Variants in SLIT3 observed in about 807,000 individuals in gnomAD.
SLIT3 encodes slit guidance ligand 3.
Under a neutral mutation model 184.0 loss-of-function variants are expected in SLIT3, and 68 were observed. The observed-to-expected ratio is 0.37, with a 90% CI of 0.30 to 0.45. The LOEUF is 0.45. Ranked by LOEUF, SLIT3 falls within the 20% of genes least tolerant of loss-of-function variation. The pLI is 1.00. For missense variants in SLIT3, 1,707 were observed against 2,026.0 expected, an observed-to-expected ratio of 0.84 and a Z score of 3.02; for synonymous variants, 831 against 828.6, an observed-to-expected ratio of 1.00 and a Z score of -0.05.
At chr5:169,272,467 T>C (rs1347851233) in intron 1 of SLIT3, among the ~76,000 whole-genome samples, 1 of 152,214 alleles carries the variant, frequency 6.6e-6, no homozygotes, top group African/African-American at 2.4e-5. Flanking sequence ...AATTATGAAA[T>C]GTTTTCCAAC....
intron 4 of SLIT3, among the ~76,000 whole-genome samples, chr5:169,073,243 T>C (rs1758617837): frequency 6.6e-6 from 1 of 152,072 alleles, no homozygotes; most frequent in South Asian, 2.1e-4. Context: ...CCAGAGGCAT[T>C]AGCACATTAA....
At chr5:169,105,983 T>G (rs1046495427) in intron 4 of SLIT3, among the ~76,000 whole-genome samples, 2 of 149,916 alleles carry the variant, frequency 1.3e-5, no homozygotes, top group Non-Finnish European at 3.0e-5. Flanking sequence ...AGTAATGGGA[T>G]GGCTGGGTCA....
chr5:169,137,141 A>G (rs991243480), intron 4 of SLIT3, among the ~76,000 whole-genome samples: 2 of 152,118 alleles, frequency 1.3e-5, no homozygotes, highest in African/African-American at 4.8e-5. Context: ...AAGACTCCTT[A>G]GATTCAGACC....
intron 4 of SLIT3, among the ~76,000 whole-genome samples, chr5:169,124,039 A>G (rs1201522258): frequency 1.3e-5 from 2 of 152,158 alleles, no homozygotes; most frequent in African/African-American, 4.8e-5. Context: ...TTTCAGACGG[A>G]AATCATTAGG....
chr5:168,698,066 G>C (rs530673946), intron 27 of SLIT3, among the ~76,000 whole-genome samples: 44 of 152,298 alleles, frequency 2.9e-4, no homozygotes, highest in African/African-American at 7.9e-4. Flanking sequence ...GTGGGGATGA[G>C]AGCAGATCTC....
chr5:169,176,963 GC>G (rs1456099730), intron 4 of SLIT3, among the ~76,000 whole-genome samples: 1 of 152,174 alleles, frequency 6.6e-6, no homozygotes, highest in African/African-American at 2.4e-5. Context: ...TCCCCCCTCT[GC>G]CTTTGAGAAC....
intron 4 of SLIT3, among the ~76,000 whole-genome samples, chr5:168,955,903 C>T (rs1285986514): frequency 6.6e-6 from 1 of 152,144 alleles, no homozygotes; most frequent in Non-Finnish European, 1.5e-5. Context: ...CGACTTCAGG[C>T]TCAGGGATGC....
intron 4 of SLIT3, among the ~76,000 whole-genome samples, chr5:168,977,614 C>A (rs982000547): frequency 6.6e-6 from 1 of 152,152 alleles, no homozygotes; most frequent in East Asian, 1.9e-4. Context: ...TGTTCACTAG[C>A]GCTGATGCCT....
At position 169,045,382 on chromosome 5, in the gene SLIT3, C is replaced by T. The variant is rs80258167; in HGVS notation, c.413+148097G>A. On this transcript the variant is annotated intron_variant, in intron 4 of 35. Coordinates refer to ENST00000519560, the MANE Select transcript of SLIT3 (RefSeq NM_003062.4). ...TTCAACAGACAGCAAAAAAGAACTT[C>T]TACTATTGTTACTTCAAAGACTTCT... Among the ~76,000 whole-genome samples the T allele has an allele frequency of 3.1e-3, 467 of 148,778 alleles. 10 individuals carry two copies. In the East Asian group the frequency reaches 0.057, roughly 18 times the overall value.
chr5:168,722,364 C>G (rs772020598), intron 22 of SLIT3, 37 bp from the exon 23 acceptor site: 1 of 1,577,654 alleles, frequency 6.3e-7, no homozygotes, highest in Admixed American at 1.7e-5. Context: ...TTGTGTCTTT[C>G]TATTCTCTAC....
chr5:168,792,672 C>G (rs1367096890), intron 10 of SLIT3, among the ~76,000 whole-genome samples: 1 of 152,202 alleles, frequency 6.6e-6, no homozygotes, highest in Non-Finnish European at 1.5e-5. Flanking sequence ...TCCCAACACC[C>G]CATTCTGGCA....
At chr5:169,104,050 G>A (rs2113237553) in intron 4 of SLIT3, among the ~76,000 whole-genome samples, 1 of 152,340 alleles carries the variant, frequency 6.6e-6, no homozygotes, top group Middle Eastern at 3.4e-3. Context: ...ACAATACTGG[G>A]CCTGATGCAT....
At chr5:168,958,661 G>A (rs1171426254) in intron 4 of SLIT3, among the ~76,000 whole-genome samples, 1 of 152,182 alleles carries the variant, frequency 6.6e-6, no homozygotes, top group Non-Finnish European at 1.5e-5. Flanking sequence ...ATCCATGACA[G>A]TTCTTTGATA....
intron 19 of SLIT3, 45 bp downstream of exon 19, chr5:168,749,427 C>T: frequency 6.2e-7 from 1 of 1,608,454 alleles, no homozygotes; most frequent in Non-Finnish European, 8.5e-7. Flanking sequence ...TCTTCCTTGC[C>T]TTCCCAGGGC....
chr5:168,978,009 C>T (rs1307854843), intron 4 of SLIT3, among the ~76,000 whole-genome samples: 2 of 152,190 alleles, frequency 1.3e-5, no homozygotes, highest in Admixed American at 6.5e-5. Context: ...CTGAATCCAA[C>T]CTCCCAGCCT....
intron 3 of SLIT3, among the ~76,000 whole-genome samples, chr5:169,224,134 T>G (rs1764712071): frequency 1.3e-5 from 2 of 152,206 alleles, no homozygotes; most frequent in African/African-American, 4.8e-5. Flanking sequence ...TGGTCTCATT[T>G]AAGCTCACTG....
At chr5:168,958,699 G>A (rs947204000) in intron 4 of SLIT3, among the ~76,000 whole-genome samples, 3 of 152,212 alleles carry the variant, frequency 2.0e-5, no homozygotes, top group African/African-American at 7.2e-5. Context: ...TCCCCCTAGA[G>A]AGAGAAGAGG....
chr5:168,737,761 C>T (rs1301851160), intron 20 of SLIT3, among the ~76,000 whole-genome samples: 1 of 152,174 alleles, frequency 6.6e-6, no homozygotes, highest in African/African-American at 2.4e-5. Context: ...GTAGGCTTTG[C>T]AGAGTTTGTT....
intron 4 of SLIT3, chr5:169,024,777 G>C (rs1756748185): frequency 6.6e-6 from 1 of 152,190 alleles, no homozygotes; most frequent in South Asian, 2.1e-4. Flanking sequence ...CTTTAAGGAA[G>C]AATAGCAGTG....
Sources: gnomAD v4.1 joint callset for allele counts (sites outside exome capture counted in the v4.1 genomes callset) on GRCh38, gnomAD v4.1.1 for gene constraint, MANE v1.5 for transcripts, NCBI Gene and HGNC (gene_info 2026-07-23, HGNC 2026-07-21) for gene names.